Variants in APLF observed in about 807,000 individuals in gnomAD.
APLF encodes the protein aprataxin and PNK-like factor.
APLF carries 61 observed loss-of-function variants against 55.6 expected under a neutral mutation model. That is an observed-to-expected ratio of 1.10 (90% confidence interval 0.89 to 1.36). The LOEUF (loss-of-function observed/expected upper bound fraction) is 1.36, where lower values mean the gene tolerates loss of function less well. Among genes scored for constraint, APLF ranks in the 40% most tolerant of loss-of-function variants. APLF has a pLI of 0.00. For synonymous variants in APLF, 207 were observed against 214.8 expected, an observed-to-expected ratio of 0.96 and a Z score of 0.32; for missense variants, 611 against 602.5, an observed-to-expected ratio of 1.01 and a Z score of -0.15.
intron 7 of APLF, 107 bp downstream of exon 7, chr2:68,538,334 AGGTTAG>A (rs1670453341): frequency 2.1e-6 from 2 of 962,352 alleles, no homozygotes; most frequent in South Asian, 4.0e-5. Flanking sequence ...ACTGGCCTAA[AGGTTAG>A]GGGCTTTATC....
At chr2:68,527,744 A>AGCC (rs1294202549) in intron 6 of APLF, among the ~76,000 whole-genome samples, 3 of 91,210 alleles carry the variant, frequency 3.3e-5, no homozygotes, top group African/African-American at 1.3e-4. Context: ...ACTGTGAGGC[A>AGCC]GCCGGGCAGA....
intron 1 of APLF, among the ~76,000 whole-genome samples, chr2:68,480,589 A>G (rs1033424267): frequency 9.3e-5 from 14 of 151,254 alleles, no homozygotes; most frequent in Admixed American, 7.9e-4. Flanking sequence ...GATGTGAGCT[A>G]CCATGCCCGG....
At chr2:68,533,566 A>G (rs1179829102) in intron 6 of APLF, among the ~76,000 whole-genome samples, 2 of 152,032 alleles carry the variant, frequency 1.3e-5, no homozygotes, top group Non-Finnish European at 2.9e-5. Flanking sequence ...CTTTTATGAC[A>G]TGTTTTTGGT....
intron 1 of APLF, among the ~76,000 whole-genome samples, chr2:68,485,598 A>C (rs1188783797): frequency 3.3e-5 from 5 of 152,126 alleles, no homozygotes; most frequent in African/African-American, 1.2e-4. Context: ...CTTGTTGGGA[A>C]ATAAACATCC....
At chr2:68,569,922 T>G (rs1474429521) in intron 9 of APLF, among the ~76,000 whole-genome samples, 4 of 152,138 alleles carry the variant, frequency 2.6e-5, no homozygotes, top group African/African-American at 9.7e-5. Flanking sequence ...TGTTTTTGCT[T>G]TCATTTAAAC....
At position 68,529,196 on chromosome 2, in the gene APLF, C is replaced by G; in HGVS notation, c.804+2954C>G. 2 of 1,263,070 alleles carry G rather than the reference C, an allele frequency of 1.6e-6. No individual in the cohort carries two copies. The highest frequency in any genetic ancestry group is 2.1e-6 in the Non-Finnish European group (2 of 931,904). 78.2% of individuals were successfully genotyped at this position (1,263,070 alleles called of 1,614,324 possible). A position where few individuals can be genotyped will look rare whatever the true frequency, so the allele number is the denominator to read the frequency against. ...GCTCCAGACAACAGGAGGCAGGACC[C>G]TCTGTGGGGTGCCCGTGTTCCAAGG... On this transcript the variant is annotated intron_variant, in intron 6 of 9. Coordinates refer to ENST00000303795, the MANE Select transcript of APLF (RefSeq NM_173545.3). The surrounding 1 kb of genome is among the most constrained non-coding windows in gnomAD (Gnocchi z 4.4).
At chr2:68,505,756 C>T (rs1007163562) in intron 3 of APLF, among the ~76,000 whole-genome samples, 1 of 152,036 alleles carries the variant, frequency 6.6e-6, no homozygotes, top group Non-Finnish European at 1.5e-5. Context: ...TCTCCCAGCA[C>T]ATGGACATGT....
At chr2:68,516,995 T>C (rs1276531734) in intron 5 of APLF, among the ~76,000 whole-genome samples, 1 of 124,690 alleles carries the variant, frequency 8.0e-6, no homozygotes, top group Non-Finnish European at 1.6e-5. Flanking sequence ...TATATAATAA[T>C]ATATGTTAAT....
chr2:68,513,801 A>G, intron 5 of APLF, 121 bp downstream of exon 5: 1 of 1,158,814 alleles, frequency 8.6e-7, no homozygotes, highest in Non-Finnish European at 1.2e-6. Flanking sequence ...GTGTAAGTGT[A>G]TAGCCTAGCC....
At chr2:68,518,925 A>G (rs1169275671) in intron 5 of APLF, among the ~76,000 whole-genome samples, 2 of 124,784 alleles carry the variant, frequency 1.6e-5, no homozygotes, top group East Asian at 2.2e-4. Flanking sequence ...ATAATATATC[A>G]TTAATATTAA....
chr2:68,526,459 G>A (rs769413157), intron 6 of APLF, among the ~76,000 whole-genome samples: 2 of 152,136 alleles, frequency 1.3e-5, no homozygotes, highest in South Asian at 2.1e-4. Context: ...TATGGCGACC[G>A]CCACGGAGCA....
chr2:68,553,211 A>G (rs1670913662), intron 8 of APLF, among the ~76,000 whole-genome samples: 1 of 152,128 alleles, frequency 6.6e-6, no homozygotes, highest in Admixed American at 6.6e-5. Context: ...GGAGTTTTAA[A>G]AATAATATTT....
rs1671700264 is a variant in APLF, at chr2:68,579,144, A to G, written c.*1122A>G. ...ACTCTAAAGGAACCTAAAAATTTATATCTTAAAAGATCAAAACATATTTAT... is the reference window on the plus strand; with the variant it reads ...ACTCTAAAGGAACCTAAAAATTTATGTCTTAAAAGATCAAAACATATTTAT... On this transcript the variant is annotated 3_prime_UTR_variant, in exon 10 of 10. Coordinates refer to ENST00000303795, the MANE Select transcript of APLF (RefSeq NM_173545.3). The G allele has an allele frequency of 3.6e-6, 3 of 833,046 alleles. No individual in the cohort carries two copies. Among genetic ancestry groups the G allele is most frequent in the Non-Finnish European group, 1.4e-6 (1 of 691,370 alleles). 51.6% of individuals were successfully genotyped at this position (833,046 alleles called of 1,614,324 possible). A position where few individuals can be genotyped will look rare whatever the true frequency, so the allele number is the denominator to read the frequency against.
intron 1 of APLF, among the ~76,000 whole-genome samples, chr2:68,486,996 G>A (rs1241483687): frequency 2.0e-5 from 3 of 152,050 alleles, no homozygotes; most frequent in African/African-American, 7.3e-5. Flanking sequence ...TTGCTTTTTA[G>A]TAGCCTTTCT....
chr2:68,510,556 C>A (rs930494506), intron 3 of APLF, among the ~76,000 whole-genome samples: 1 of 151,780 alleles, frequency 6.6e-6, no homozygotes, highest in Non-Finnish European at 1.5e-5. Context: ...AGAAACTGAA[C>A]TATTATACAT....
Position 68,579,537 on chromosome 2 carries a change from C to CT in APLF, c.*1515_*1516insT, listed in dbSNP as rs200409560. On this transcript the variant is annotated 3_prime_UTR_variant, in exon 10 of 10. Coordinates refer to ENST00000303795, the MANE Select transcript of APLF (RefSeq NM_173545.3). ...TTAACAGCCAAAAAGTATAAACACCCAAAGTCTATCAACTATCAACTGGGT... is the reference window on the plus strand; with the variant it reads ...TTAACAGCCAAAAAGTATAAACACCCTAAAGTCTATCAACTATCAACTGGGT... 1 of 351,576 alleles carries CT rather than the reference C, an allele frequency of 2.8e-6. No homozygotes were observed. Among genetic ancestry groups the CT allele is most frequent in the Admixed American group, 6.5e-5 (1 of 15,420 alleles). 21.8% of individuals were successfully genotyped at this position (351,576 alleles called of 1,614,324 possible). A position where few individuals can be genotyped will look rare whatever the true frequency, so the allele number is the denominator to read the frequency against.
intron 1 of APLF, among the ~76,000 whole-genome samples, chr2:68,486,713 T>A (rs936097892): frequency 6.6e-6 from 1 of 152,320 alleles, no homozygotes; most frequent in African/African-American, 2.4e-5. Context: ...TTGCTCTATT[T>A]GTTGATTTCT....
intron 2 of APLF, among the ~76,000 whole-genome samples, chr2:68,494,864 TG>T (rs1173967856): frequency 6.6e-6 from 1 of 152,188 alleles, no homozygotes; most frequent in East Asian, 1.9e-4. Flanking sequence ...GAGTATTCCA[TG>T]GTATATATAT....
intron 9 of APLF, among the ~76,000 whole-genome samples, chr2:68,571,193 A>G (rs1188201419): frequency 3.9e-5 from 6 of 152,088 alleles, no homozygotes; most frequent in South Asian, 2.1e-4. Context: ...TCTGGATATT[A>G]GCCCTTTGTC....
Sources: gnomAD v4.1 joint callset for allele counts (sites outside exome capture counted in the v4.1 genomes callset) on GRCh38, gnomAD v4.1.1 for gene constraint, Gnocchi (gnomAD v3.1) non-coding constraint, MANE v1.5 for transcripts, NCBI Gene and HGNC (gene_info 2026-07-23, HGNC 2026-07-21) for gene names.